Variants in MBOAT1 observed in about 807,000 individuals in gnomAD.
MBOAT1 encodes membrane bound glycerophospholipid O-acyltransferase 1, also known as membrane-bound glycerophospholipid O-acyltransferase 1.
MBOAT1 carries 67 observed loss-of-function variants against 64.4 expected under a neutral mutation model. The ratio of observed to expected loss-of-function variants is 1.04; its 90% CI spans 0.85 to 1.27. The LOEUF (loss-of-function observed/expected upper bound fraction) is 1.27. MBOAT1 is among the 50% of genes most tolerant of loss of function. MBOAT1 has a pLI of 0.00. For synonymous variants in MBOAT1, 229 were observed against 218.9 expected, an observed-to-expected ratio of 1.05 and a Z score of -0.41; for missense variants, 563 against 604.6, an observed-to-expected ratio of 0.93 and a Z score of 0.72.
chr6:20,190,085 C>T (rs1167638270), intron 1 of MBOAT1, among the ~76,000 whole-genome samples: 1 of 152,066 alleles, frequency 6.6e-6, no homozygotes, highest in Non-Finnish European at 1.5e-5. Flanking sequence ...ACCTCCGCCT[C>T]CTGGGTTCAA....
chr6:20,171,110 C>T (rs1307103408), intron 1 of MBOAT1, among the ~76,000 whole-genome samples: 1 of 152,118 alleles, frequency 6.6e-6, no homozygotes, highest in African/African-American at 2.4e-5. Context: ...AAAAGAAATA[C>T]AGTTTCAGGC....
rs927357731 is a variant in MBOAT1, at chr6:20,122,416, C to T, written c.907+1992G>A. ...GGTGGCTGTATGTCTGTGCTCCCAA[C>T]CATGCAACAATCTTGAGGGAGAGTC... is the stretch of plus-strand genomic sequence containing the variant. On this transcript the variant is annotated intron_variant, in intron 8 of 12. Coordinates refer to ENST00000324607, the MANE Select transcript of MBOAT1 (RefSeq NM_001080480.3). 3.4e-4 allele frequency among the ~76,000 whole-genome samples: 51 copies of T among 152,162 alleles called. 2 individuals are homozygous for T. The highest frequency in any genetic ancestry group is 4.3e-4 in the African/African-American group (18 of 41,420).
chr6:20,192,747 T>C (rs529153914), intron 1 of MBOAT1, among the ~76,000 whole-genome samples: 1 of 152,264 alleles, frequency 6.6e-6, no homozygotes, highest in Admixed American at 6.5e-5. Flanking sequence ...CATGTAGGTA[T>C]GATTAGCTCA....
At chr6:20,141,165 G>T (rs188860777) in intron 4 of MBOAT1, among the ~76,000 whole-genome samples, 1 of 152,170 alleles carries the variant, frequency 6.6e-6, no homozygotes, top group African/African-American at 2.4e-5. Flanking sequence ...AGATAGGAAA[G>T]GGCTTTCTAT....
intron 1 of MBOAT1, among the ~76,000 whole-genome samples, chr6:20,195,477 C>T (rs1413715578): frequency 6.6e-6 from 1 of 152,156 alleles, no homozygotes; most frequent in Non-Finnish European, 1.5e-5. Flanking sequence ...TAGAATCAAG[C>T]ATTTCTCCAA....
chr6:20,200,921 A>G (rs1319376638), intron 1 of MBOAT1, among the ~76,000 whole-genome samples: 1 of 152,176 alleles, frequency 6.6e-6, no homozygotes, highest in African/African-American at 2.4e-5. Flanking sequence ...GGTGTTCCTG[A>G]GAACCTAAAC....
At chr6:20,151,935 C>G (rs1486309096) in intron 2 of MBOAT1, among the ~76,000 whole-genome samples, 1 of 152,200 alleles carries the variant, frequency 6.6e-6, no homozygotes, top group Non-Finnish European at 1.5e-5. Context: ...ACACCAACAT[C>G]TACGATAGTT....
At chr6:20,124,014 G>T (rs961035675) in intron 8 of MBOAT1, among the ~76,000 whole-genome samples, 2 of 152,112 alleles carry the variant, frequency 1.3e-5, no homozygotes, top group African/African-American at 4.8e-5. Flanking sequence ...CCAAGATCGT[G>T]CCACTGCGCT....
chr6:20,193,221 T>G (rs1006468071), intron 1 of MBOAT1, among the ~76,000 whole-genome samples: 8 of 151,230 alleles, frequency 5.3e-5, no homozygotes, highest in Non-Finnish European at 5.9e-5. Flanking sequence ...TTAGCCAGGA[T>G]GGTCTCGATC....
At chr6:20,127,323 T>C (rs1360352949) in intron 6 of MBOAT1, among the ~76,000 whole-genome samples, 1 of 152,134 alleles carries the variant, frequency 6.6e-6, no homozygotes, top group Non-Finnish European at 1.5e-5. Context: ...TCTAGCAAGA[T>C]AGAATAAAGA....
intron 12 of MBOAT1, among the ~76,000 whole-genome samples, chr6:20,104,267 G>A (rs1581390431): frequency 1.3e-5 from 2 of 152,200 alleles, no homozygotes; most frequent in Admixed American, 1.3e-4. Context: ...ATCCCTGTTG[G>A]TAAGCAACGT....
chr6:20,193,037 G>A (rs1421552517), intron 1 of MBOAT1, among the ~76,000 whole-genome samples: 2 of 72,236 alleles, frequency 2.8e-5, no homozygotes, highest in African/African-American at 9.4e-5. Flanking sequence ...ACGGAGTCTC[G>A]CTCTGTCGCC....
chr6:20,155,858 G>A (rs930561320), intron 1 of MBOAT1, among the ~76,000 whole-genome samples: 6 of 152,150 alleles, frequency 3.9e-5, no homozygotes, highest in East Asian at 3.9e-4. Flanking sequence ...ATTTTCTTGG[G>A]TTTTGCTTGT....
intron 1 of MBOAT1, 76 bp downstream of exon 1, chr6:20,212,060 T>G (rs879505735): frequency 6.0e-6 from 8 of 1,335,612 alleles, no homozygotes; most frequent in Non-Finnish European, 8.4e-6. Context: ...GGAGGGACGG[T>G]GGCTAACACT....
chr6:20,163,965 C>T (rs7750646), intron 1 of MBOAT1, among the ~76,000 whole-genome samples: 29,951 of 151,634 alleles, frequency 0.2, 3,419 homozygotes, highest in African/African-American at 0.31. Flanking sequence ...GACCGGGGCC[C>T]GGGATGTCAA....
At chr6:20,171,409 C>T (rs531285548) in intron 1 of MBOAT1, among the ~76,000 whole-genome samples, 96 of 150,148 alleles carry the variant, frequency 6.4e-4, no homozygotes, top group South Asian at 1.9e-3. Flanking sequence ...AAAAACTAGC[C>T]GGGCATGGTG....
chr6:20,134,611 A>G (rs1561756817), intron 4 of MBOAT1, among the ~76,000 whole-genome samples: 1 of 152,194 alleles, frequency 6.6e-6, no homozygotes, highest in Non-Finnish European at 1.5e-5. Flanking sequence ...TAAAAGGAAA[A>G]GGAGTTTAGA....
rs1169948169 is a variant in MBOAT1, at chr6:20,168,627, AGAAGAGAAGAGAAGAGAGG to A, written c.100-15877_100-15859del. On this transcript the variant is annotated intron_variant, in intron 1 of 12. Coordinates refer to ENST00000324607, the MANE Select transcript of MBOAT1 (RefSeq NM_001080480.3). ...AGAAGAGAAGAGAAGAGAAGAGAAGAGAAGAGAAGAGAAGAGAGGAGAGGAGAGGGAAAGAGAGAAAGAG... is the reference window on the plus strand; with the variant it reads ...AGAAGAGAAGAGAAGAGAAGAGAAGAAGAGGAGAGGGAAAGAGAGAAAGAG... Among the ~76,000 whole-genome samples the A allele has an allele frequency of 1.3e-3, 168 of 131,358 alleles. 3 individuals carry two copies. Among genetic ancestry groups the A allele is most frequent in the African/African-American group, 4.6e-3 (161 of 35,108 alleles). 86.2% of individuals were successfully genotyped at this position (131,358 alleles called of 152,430 possible).
intron 7 of MBOAT1, chr6:20,125,877 A>C (rs914187275): frequency 2.3e-6 from 1 of 439,936 alleles, no homozygotes; most frequent in Non-Finnish European, 4.5e-6. Context: ...TCCAATTTTC[A>C]CCACTCCTTT....
Sources: allele counts gnomAD v4.1 joint callset (sites outside exome capture counted in the v4.1 genomes callset), GRCh38; gene constraint gnomAD v4.1.1; transcripts MANE v1.5; gene names NCBI Gene and HGNC (gene_info 2026-07-23, HGNC 2026-07-21).